The following TYW1B variants were observed in gnomAD, a reference collection of about 807,000 sequenced individuals.
TYW1B encodes tRNA-yW synthesizing protein 1 homolog B, also known as S-adenosyl-L-methionine-dependent tRNA 4-demethylwyosine synthase TYW1B.
A neutral mutation model predicts 86.9 loss-of-function variants in TYW1B; 73 were observed. That is an observed-to-expected ratio of 0.84 (90% CI 0.70 to 1.02). TYW1B has a LOEUF of 1.02. TYW1B is among the 50% of genes least tolerant of loss of function. The probability of loss-of-function intolerance (pLI) is 0.00; values close to 1 mark genes in which losing one functional copy is unlikely to be tolerated. For synonymous variants in TYW1B, 248 were observed against 292.8 expected (o/e 0.85, Z 1.56); for missense variants, 637 against 827.4 (o/e 0.77, Z 2.82).
intron 13 of TYW1B, among the ~76,000 whole-genome samples, chr7:72,609,136 T>C (rs1171898536): frequency 1.3e-5 from 2 of 152,230 alleles, no homozygotes; most frequent in Admixed American, 6.5e-5. Flanking sequence ...GAATCTATAA[T>C]TGTTTTAAAG....
In TYW1B at chr7:72,653,593, C is replaced by T. The variant is rs1431710017; in HGVS notation, c.1507-24596G>A. On this transcript the variant is annotated intron_variant, in intron 11 of 13. Transcript: ENST00000620995. ...CTGCACTCCAGCCTGGGCGACAGAG[C>T]GAGACTCCGTCTCAAAAAATAATAA... is the stretch of plus-strand genomic sequence containing the variant. 9.0e-5 allele frequency among the ~76,000 whole-genome samples: 12 copies of T among 133,092 alleles called. No homozygotes were observed. The East Asian group carries it at 1.8e-3, about 20-fold the overall frequency. 87.3% of individuals were successfully genotyped at this position (133,092 alleles called of 152,430 possible).
At chr7:72,794,820 CTTTT>C (rs782680796) in intron 6 of TYW1B, among the ~76,000 whole-genome samples, 7 of 139,132 alleles carry the variant, frequency 5.0e-5, no homozygotes, top group Non-Finnish European at 7.9e-5. Flanking sequence ...CCCCACTTTT[CTTTT>C]TTTTTTTTTT....
At chr7:72,758,762 T>C (rs1554466700) in intron 7 of TYW1B, among the ~76,000 whole-genome samples, 3 of 152,180 alleles carry the variant, frequency 2.0e-5, no homozygotes, top group Non-Finnish European at 4.4e-5. Context: ...TTACCTTTTC[T>C]GGAAAGTATT....
At chr7:72,585,150 T>A (rs544676987) in intron 13 of TYW1B, among the ~76,000 whole-genome samples, 1 of 152,326 alleles carries the variant, frequency 6.6e-6, no homozygotes. Flanking sequence ...TCCAGTCACC[T>A]CAAACTCAAA....
chr7:72,605,112 C>T (rs1223283553), intron 13 of TYW1B, among the ~76,000 whole-genome samples: 25 of 152,122 alleles, frequency 1.6e-4, no homozygotes, highest in Admixed American at 1.6e-3. Flanking sequence ...TATTTCACTA[C>T]AATTAAGAAA....
intron 11 of TYW1B, among the ~76,000 whole-genome samples, chr7:72,649,832 TACTC>T (rs1813017655): frequency 6.6e-6 from 1 of 152,136 alleles, no homozygotes; most frequent in African/African-American, 2.4e-5. Flanking sequence ...TTACAGCAAA[TACTC>T]CCTCCCTGGA....
rs782788847 is a variant in TYW1B, at chr7:72,826,854, C to T, written c.135+1G>A. On this transcript the variant is annotated splice_donor_variant, in intron 2 of 13. Coordinates refer to ENST00000620995, the MANE Select transcript of TYW1B (RefSeq NM_001145440.3). LOFTEE classifies it high-confidence loss of function. Reference sequence around the variant, plus strand: ...CTATTAAAAAAAATAACTCCACTTACCTGCATCTCGATGACAATCTGGACA... The same window carrying T: ...CTATTAAAAAAAATAACTCCACTTATCTGCATCTCGATGACAATCTGGACA... The T allele has an allele frequency of 3.1e-6, 5 of 1,611,746 alleles. No homozygotes were observed. In the East Asian group the frequency reaches 8.9e-5, roughly 29 times the overall value.
At chr7:72,643,761 T>C (rs2960988) in intron 11 of TYW1B, among the ~76,000 whole-genome samples, 34,625 of 151,946 alleles carry the variant, frequency 0.23, 4,824 homozygotes, top group East Asian at 0.55. Flanking sequence ...GTACAAAGTC[T>C]TAAAGAAAAC....
At chr7:72,772,447 AACC>A (rs1787883864) in intron 7 of TYW1B, among the ~76,000 whole-genome samples, 1 of 152,228 alleles carries the variant, frequency 6.6e-6, no homozygotes, top group African/African-American at 2.4e-5. Flanking sequence ...GAAGATGAAG[AACC>A]AGATGTCAGT....
intron 13 of TYW1B, among the ~76,000 whole-genome samples, chr7:72,579,167 C>T (rs1355978137): frequency 6.6e-6 from 1 of 152,080 alleles, no homozygotes; most frequent in African/African-American, 2.4e-5. Flanking sequence ...GCAGGCAATG[C>T]ACTTCATAAG....
At chr7:72,620,557 G>A (rs1407041712) in intron 12 of TYW1B, among the ~76,000 whole-genome samples, 3 of 152,224 alleles carry the variant, frequency 2.0e-5, no homozygotes, top group African/African-American at 7.2e-5. Flanking sequence ...GGTCACCTCA[G>A]GGACCCCGAG....
intron 7 of TYW1B, among the ~76,000 whole-genome samples, chr7:72,767,652 T>C (rs1428014993): frequency 6.6e-6 from 1 of 151,988 alleles, no homozygotes; most frequent in African/African-American, 2.4e-5. Flanking sequence ...AAACTTTGTC[T>C]TCATTGACTT....
At position 72,628,990 on chromosome 7, in the gene TYW1B, C is replaced by T. The variant is rs528347907; in HGVS notation, c.1514G>A (p.Arg505Gln). The change falls in exon 12 of 14, where the codon CGA becomes CAA. Residue 505 changes from arginine to glutamine, a missense_variant. Transcript: ENST00000620995. Reference protein sequence around the residue: ...SLKALAVKQQRTVYRLMLVKA... With the variant: ...SLKALAVKQQQTVYRLMLVKA... ...CACGAGCATCAGTCTGTAGACAGTTCGTTGTTGCTAAAACAAAGGAAAAGC... is the reference window on the plus strand; with the variant it reads ...CACGAGCATCAGTCTGTAGACAGTTTGTTGTTGCTAAAACAAAGGAAAAGC... The T allele has an allele frequency of 5.8e-5, 92 of 1,587,524 alleles. No individual in the cohort carries two copies. Among genetic ancestry groups the T allele is most frequent in the East Asian group, 3.0e-4 (13 of 43,182 alleles).
At chr7:72,586,798 T>C (rs1811288417) in intron 13 of TYW1B, among the ~76,000 whole-genome samples, 1 of 151,698 alleles carries the variant, frequency 6.6e-6, no homozygotes, top group African/African-American at 2.4e-5. Context: ...GGCCTACAAA[T>C]AAAGAAAGGT....
At chr7:72,796,999 G>T (rs1159197774) in intron 6 of TYW1B, among the ~76,000 whole-genome samples, 1 of 151,300 alleles carries the variant, frequency 6.6e-6, no homozygotes, top group Non-Finnish European at 1.5e-5. Context: ...TAGAGATGGG[G>T]TTTCATCGTG....
At chr7:72,597,551 C>T (rs1563023705) in intron 13 of TYW1B, among the ~76,000 whole-genome samples, 2 of 151,778 alleles carry the variant, frequency 1.3e-5, no homozygotes, top group Non-Finnish European at 2.9e-5. Context: ...CTGAAATAGA[C>T]ACACCTCGTC....
At chr7:72,774,185 T>C (rs184921862) in intron 7 of TYW1B, among the ~76,000 whole-genome samples, 1 of 151,654 alleles carries the variant, frequency 6.6e-6, no homozygotes, top group East Asian at 1.9e-4. Context: ...AGGCTGAGAA[T>C]TGTACCTGTT....
chr7:72,706,428 C>T (rs1443281639), intron 10 of TYW1B, among the ~76,000 whole-genome samples: 1 of 66,138 alleles, frequency 1.5e-5, no homozygotes, highest in Non-Finnish European at 2.7e-5. Context: ...ACTCCTCCAT[C>T]TCCAAAAAAA....
intron 9 of TYW1B, among the ~76,000 whole-genome samples, chr7:72,720,134 A>T (rs566047598): frequency 6.6e-6 from 1 of 152,282 alleles, no homozygotes; most frequent in East Asian, 1.9e-4. Context: ...TCAAGGTATC[A>T]TCAAGAGGGA....
Sources: gnomAD v4.1 joint callset for allele counts (sites outside exome capture counted in the v4.1 genomes callset) on GRCh38, gnomAD v4.1.1 for gene constraint, MANE v1.5 for transcripts, NCBI Gene and HGNC (gene_info 2026-07-23, HGNC 2026-07-21) for gene names.